Variants in FAM120B observed in about 807,000 individuals in gnomAD.
The protein encoded by FAM120B is constitutive coactivator of peroxisome proliferator-activated receptor gamma.
A neutral mutation model predicts 96.3 loss-of-function variants in FAM120B; 83 were observed. That is an observed-to-expected ratio of 0.86 (90% CI 0.72 to 1.03). FAM120B has a LOEUF of 1.03. Ranked by LOEUF, FAM120B falls within the 50% of genes least tolerant of loss-of-function variation. FAM120B has a pLI of 0.00. For missense variants in FAM120B, 1,027 were observed against 1,121.2 expected, an observed-to-expected ratio of 0.92 and a Z score of 1.20; for synonymous variants, 407 against 402.7, an observed-to-expected ratio of 1.01 and a Z score of -0.13.
In FAM120B at chr6:170,388,493, T is replaced by C; in HGVS notation, c.2490T>C (p.Asn830=). 6.2e-7 allele frequency: 1 copy of C among 1,613,744 alleles called. No homozygotes were observed. Among genetic ancestry groups the C allele is most frequent in the Non-Finnish European group, 8.5e-7 (1 of 1,179,634 alleles). ...GYAVEVLLEQ[N]RSRLTKFHNL... ...CTGTGGAGGTTCTTTTAGAACAAAA[T>C]GTGAGTTCACAGACACCTACCTTTC... Residue 830 remains asparagine, a splice_region_variant and synonymous_variant, in exon 7 of 11, where the codon AAT becomes AAC. Coordinates refer to ENST00000476287, the MANE Select transcript of FAM120B (RefSeq NM_032448.3).
At chr6:170,328,282 G>T (rs905251308) in intron 3 of FAM120B, among the ~76,000 whole-genome samples, 1 of 151,990 alleles carries the variant, frequency 6.6e-6, no homozygotes, top group Non-Finnish European at 1.5e-5. Flanking sequence ...AAACTTCTTT[G>T]TTAAAAGCTC....
rs1786017251 is a variant in FAM120B at position 170,331,269 on chromosome 6, C to G, written c.2017+719C>G. 2.0e-5 allele frequency among the ~76,000 whole-genome samples: 3 copies of G among 152,296 alleles called. No individual in the cohort carries two copies. The South Asian group carries it at 6.2e-4, about 32-fold the overall frequency. On this transcript the variant is annotated intron_variant, in intron 4 of 10. Transcript: ENST00000476287. Reference sequence around the variant, plus strand: ...AGAGTTTATTTTTAGTGGCTCATGTCATTGTTTCACCGAACAAATATTTTC... The same window carrying G: ...AGAGTTTATTTTTAGTGGCTCATGTGATTGTTTCACCGAACAAATATTTTC...
intron 3 of FAM120B, among the ~76,000 whole-genome samples, chr6:170,325,535 TA>T (rs5881868): frequency 0.022 from 3,088 of 139,108 alleles, 82 homozygotes; most frequent in African/African-American, 0.07. Context: ...GATTTACCTT[TA>T]AAAAAAAAAA....
At chr6:170,399,795 G>A (rs1377307043) in intron 9 of FAM120B, among the ~76,000 whole-genome samples, 8 of 144,572 alleles carry the variant, frequency 5.5e-5, no homozygotes, top group Non-Finnish European at 9.0e-5. Context: ...AGTGAGTGAG[G>A]AAGGTAGAAC....
intron 3 of FAM120B, among the ~76,000 whole-genome samples, chr6:170,329,533 G>A (rs1025932232): frequency 4.6e-5 from 7 of 151,998 alleles, no homozygotes; most frequent in Non-Finnish European, 1.0e-4. Context: ...GGCATCACAG[G>A]TGCTGATAAT....
At chr6:170,320,924 A>C (rs948375683) in intron 2 of FAM120B, among the ~76,000 whole-genome samples, 2 of 152,222 alleles carry the variant, frequency 1.3e-5, no homozygotes, top group Admixed American at 6.5e-5. Context: ...AAGAGGTAGA[A>C]TAGGACTAGA....
intron 3 of FAM120B, among the ~76,000 whole-genome samples, 178 bp downstream of exon 3, chr6:170,323,437 T>A (rs891618652): frequency 3.3e-5 from 5 of 152,234 alleles, no homozygotes; most frequent in Non-Finnish European, 7.3e-5. Context: ...TAAGCGTAAG[T>A]GCCATTGGAC....
At chr6:170,346,372 T>A (rs1032413300) in intron 4 of FAM120B, among the ~76,000 whole-genome samples, 1 of 152,320 alleles carries the variant, frequency 6.6e-6, no homozygotes, top group Non-Finnish European at 1.5e-5. Context: ...GGTGGTAGAA[T>A]TGTACATTGT....
chr6:170,314,936 C>T (rs1052745550), intron 1 of FAM120B, among the ~76,000 whole-genome samples: 2 of 152,182 alleles, frequency 1.3e-5, no homozygotes, highest in Non-Finnish European at 2.9e-5. Flanking sequence ...AGAAATTGGT[C>T]CTGTGTGTCT....
At chr6:170,400,032 T>G (rs973327024) in intron 9 of FAM120B, among the ~76,000 whole-genome samples, 1 of 147,786 alleles carries the variant, frequency 6.8e-6, no homozygotes, top group Non-Finnish European at 1.5e-5. Context: ...GTGGGGAAGG[T>G]AGAACTATGT....
chr6:170,385,863 C>G (rs1193256052), intron 6 of FAM120B, among the ~76,000 whole-genome samples: 8 of 152,154 alleles, frequency 5.3e-5, no homozygotes, highest in African/African-American at 1.9e-4. Context: ...TACTAAGTGA[C>G]AGAAGCCAAT....
upstream of FAM120B, among the ~76,000 whole-genome samples, chr6:170,305,964 C>T (rs1784265486): frequency 6.6e-6 from 1 of 152,184 alleles, no homozygotes; most frequent in Non-Finnish European, 1.5e-5. Context: ...CAGGTGGCAC[C>T]TGTTCCCCTG....
chr6:170,330,733 G>T, intron 4 of FAM120B, 183 bp downstream of exon 4: 1 of 603,050 alleles, frequency 1.7e-6, no homozygotes, highest in Non-Finnish European at 2.9e-6. Flanking sequence ...GAAGGATGAT[G>T]CTGTGGCAGG....
rs1056924870 is a variant in FAM120B at position 170,327,935 on chromosome 6, C to T, written c.1916-2514C>T. On this transcript the variant is annotated intron_variant, in intron 3 of 10. Coordinates refer to ENST00000476287, the MANE Select transcript of FAM120B (RefSeq NM_032448.3). ...CACACGCAGGCTGCTCTGGTGACTC[C>T]GGTGAGCGAGTGGGAAGTGAATGGG... 5.3e-5 allele frequency among the ~76,000 whole-genome samples: 8 copies of T among 152,168 alleles called. No individual in the cohort carries two copies. The South Asian group carries it at 6.2e-4, about 12-fold the overall frequency.
Position 170,358,322 on chromosome 6 carries a change from C to T in FAM120B, c.2283+4C>T. 2 of 1,584,998 alleles carry T rather than the reference C, an allele frequency of 1.3e-6. No individual in the cohort carries two copies. Among genetic ancestry groups the T allele is most frequent in the Non-Finnish European group, 8.6e-7 (1 of 1,157,676 alleles). ...CTCGCAGCTTGTAAATCTACAGGTA[C>T]AGACGTGACCAGTTAGTTGTCACTG... On this transcript the variant is annotated splice_donor_region_variant and intron_variant, in intron 6 of 10. Transcript: ENST00000476287.
At chr6:170,291,173 C>T (rs1783860369), upstream of FAM120B, 6 of 654,180 alleles carry the variant, frequency 9.2e-6, no homozygotes, top group Non-Finnish European at 1.7e-5. Flanking sequence ...CTTCCTCCCT[C>T]ACCACACAAA....
chr6:170,342,511 A>G (rs1011853465), intron 4 of FAM120B, among the ~76,000 whole-genome samples: 3 of 152,224 alleles, frequency 2.0e-5, no homozygotes, highest in African/African-American at 7.2e-5. Flanking sequence ...CTGTGTTTGT[A>G]GCTGTGGAAA....
At chr6:170,398,055 C>A (rs1047215703) in intron 9 of FAM120B, among the ~76,000 whole-genome samples, 1 of 152,246 alleles carries the variant, frequency 6.6e-6, no homozygotes, top group Non-Finnish European at 1.5e-5. Flanking sequence ...AGTCCACAGT[C>A]CAGATGGGAG....
chr6:170,329,517 T>A (rs1168975876), intron 3 of FAM120B, among the ~76,000 whole-genome samples: 1 of 151,938 alleles, frequency 6.6e-6, no homozygotes, highest in Non-Finnish European at 1.5e-5. Flanking sequence ...ACCCCCGCGG[T>A]CCTGTGGCAT....
Sources: allele counts gnomAD v4.1 joint callset (sites outside exome capture counted in the v4.1 genomes callset), GRCh38; gene constraint gnomAD v4.1.1; transcripts MANE v1.5; gene names NCBI Gene and HGNC (gene_info 2026-07-23, HGNC 2026-07-21).